The following HLTF variants were observed in gnomAD, a reference collection of about 807,000 sequenced individuals.
HLTF encodes the protein DNA-dependent ATPase/E3 ubiquitin-protein ligase HLTF.
In HLTF, 127 loss-of-function variants were observed where a neutral mutation model predicts 129.4. The ratio of observed to expected loss-of-function variants is 0.98; its 90% CI spans 0.85 to 1.14. HLTF has a LOEUF of 1.14. Among genes scored for constraint, HLTF ranks in the 50% most tolerant of loss-of-function variants. HLTF has a pLI of 0.00. For missense variants in HLTF, 1,139 were observed against 1,187.1 expected (o/e 0.96, Z 0.60); for synonymous variants, 332 against 388.8 (o/e 0.85, Z 1.72).
chr3:149,044,438 A>C (rs1222943827), intron 18 of HLTF, among the ~76,000 whole-genome samples: 1 of 152,104 alleles, frequency 6.6e-6, no homozygotes, highest in African/African-American at 2.4e-5. Flanking sequence ...AGTGCCTACC[A>C]TGTGCTAAAT....
chr3:149,064,270 A>G (rs1718180548), intron 9 of HLTF, among the ~76,000 whole-genome samples: 1 of 152,064 alleles, frequency 6.6e-6, no homozygotes, highest in Non-Finnish European at 1.5e-5. Context: ...AATAGCACCA[A>G]TTGTTATTTA....
At chr3:149,052,090 G>T (rs1454184856) in intron 14 of HLTF, 1 of 150,300 alleles carries the variant, frequency 6.7e-6, no homozygotes, top group Non-Finnish European at 1.5e-5. Flanking sequence ...GGAGGTGGAG[G>T]TTGCAGTGAG....
chr3:149,059,686 C>A (rs570887055), intron 13 of HLTF, 32 bp downstream of exon 13: 493 of 1,360,732 alleles, frequency 3.6e-4, no homozygotes, highest in Admixed American at 6.4e-4. Flanking sequence ...AGAAAAAAAA[C>A]CAAAAACTAG....
intron 8 of HLTF, among the ~76,000 whole-genome samples, chr3:149,066,149 T>G (rs934341883): frequency 1.3e-5 from 2 of 151,932 alleles, no homozygotes; most frequent in Non-Finnish European, 2.9e-5. Context: ...TGAGTTCAAG[T>G]GATTCTCCTG....
At chr3:149,054,429 C>T (rs1008037923) in intron 14 of HLTF, among the ~76,000 whole-genome samples, 6 of 152,074 alleles carry the variant, frequency 3.9e-5, no homozygotes, top group Admixed American at 6.5e-5. Flanking sequence ...AATGTAGAGA[C>T]TAAATACTGG....
chr3:149,038,089 AT>A (rs771857247), intron 23 of HLTF, among the ~76,000 whole-genome samples: 15 of 152,232 alleles, frequency 9.9e-5, no homozygotes, highest in Admixed American at 2.6e-4. Flanking sequence ...TCAATCACCT[AT>A]GATATATGCT....
chr3:149,058,381 T>A (rs1479768906), intron 13 of HLTF, among the ~76,000 whole-genome samples: 1 of 152,172 alleles, frequency 6.6e-6, no homozygotes, highest in Non-Finnish European at 1.5e-5. Context: ...AATTTGCATC[T>A]CCCCAATAAT....
At position 149,075,928 on chromosome 3, in the gene HLTF, T is replaced by C; in HGVS notation, c.348A>G (p.Ala116=). Residue 116 remains alanine (A), a synonymous_variant, in exon 3 of 25, where the codon GCA becomes GCG. Transcript: ENST00000310053. ...TGTCCATGATATAGGCCAAAGCACC[T>C]GCAAGCTCTTTCTTTAAATGGCCAA... ...NQVGHLKKEL[A]GALAYIMDNK... is the part of the protein sequence containing the mutation. The C allele has an allele frequency of 6.2e-7, 1 of 1,608,748 alleles. No homozygotes were observed. Among genetic ancestry groups the C allele is most frequent in the Non-Finnish European group, 8.5e-7 (1 of 1,175,888 alleles).
At position 149,068,184 on chromosome 3, in the gene HLTF, A is replaced by G. The variant is rs1003111686; in HGVS notation, c.990+56T>C. On this transcript the variant is annotated intron_variant, in intron 8 of 24. Coordinates refer to ENST00000310053, the MANE Select transcript of HLTF (RefSeq NM_003071.4). Reference sequence around the variant, plus strand: ...GTAGTTTTTTTTAATGATGAAATTTAAAGATTTCACAATAAACTGGAGGTT... The same window carrying G: ...GTAGTTTTTTTTAATGATGAAATTTGAAGATTTCACAATAAACTGGAGGTT... 3.3e-5 allele frequency: 24 copies of G among 720,462 alleles called. No individual in the cohort carries two copies. In the African/African-American group the frequency reaches 4.2e-4, roughly 13 times the overall value. 44.6% of individuals were successfully genotyped at this position (720,462 alleles called of 1,614,324 possible).
At chr3:149,075,137 C>T (rs937478134) in intron 3 of HLTF, among the ~76,000 whole-genome samples, 1 of 152,110 alleles carries the variant, frequency 6.6e-6, no homozygotes, top group Non-Finnish European at 1.5e-5. Context: ...GTATAAAATG[C>T]GGACTTAGCT....
rs373688591 is a variant in HLTF, at chr3:149,032,169, T to C, written c.*51A>G. On this transcript the variant is annotated 3_prime_UTR_variant, in exon 25 of 25. Transcript: ENST00000310053. ...TTTCTAAAACTCTGTATTTTTCTCA[T>C]TTCTAAAACTTAAGTATCCAATCAA... 8.9e-6 allele frequency: 12 copies of C among 1,353,196 alleles called. 1 individual carries two copies. The highest frequency in any genetic ancestry group is 1.1e-5 in the Non-Finnish European group (11 of 1,002,480). The allele number at this position is 1,353,196 out of a possible 1,614,324, so 83.8% of individuals were successfully genotyped here.
chr3:149,081,365 G>A (rs1486926838), intron 2 of HLTF, among the ~76,000 whole-genome samples: 1 of 151,442 alleles, frequency 6.6e-6, no homozygotes, highest in Non-Finnish European at 1.5e-5. Flanking sequence ...GTGGCTAAAG[G>A]CAACGCAATA....
At chr3:149,050,424 A>C in intron 14 of HLTF, 49 bp from the exon 15 acceptor site, 1 of 1,323,202 alleles carries the variant, frequency 7.6e-7, no homozygotes, top group South Asian at 1.5e-5. Flanking sequence ...TTTGTGTCAG[A>C]CTTAATAGAT....
rs766438860 is a variant in HLTF at position 149,055,336 on chromosome 3, G to T, written c.1440C>A (p.Ile480=). The T allele has an allele frequency of 6.2e-7, 1 of 1,613,580 alleles. No homozygotes were observed. The highest frequency in any genetic ancestry group is 8.5e-7 in the Non-Finnish European group (1 of 1,179,666). ...TGCTTAACACAGAAAGCGGACAGATGATCAGTGTTGTTCTTGGTCTCTCCT... is the reference window on the plus strand; with the variant it reads ...TGCTTAACACAGAAAGCGGACAGATTATCAGTGTTGTTCTTGGTCTCTCCT... ...DVEERPRTTL[I]ICPLSVLSNW... is the part of the protein sequence containing the mutation. The change falls in exon 14 of 25, where the codon ATC becomes ATA. Residue 480 remains isoleucine, a synonymous_variant. Coordinates refer to ENST00000310053, the MANE Select transcript of HLTF (RefSeq NM_003071.4).
rs1352609399 is a variant in HLTF, at chr3:149,034,909, A to C, written c.2877+9T>G. 2.5e-6 allele frequency: 4 copies of C among 1,595,592 alleles called. No homozygotes were observed. Among genetic ancestry groups the C allele is most frequent in the Admixed American group, 3.3e-5 (2 of 59,966 alleles). ...ACCTAGTCTTAAAATAGTTTGTTTA[A>C]AAACTCACTTTTGTGATGATAACTT... is the stretch of plus-strand genomic sequence containing the variant. On this transcript the variant is annotated intron_variant, in intron 24 of 24. Coordinates refer to ENST00000310053, the MANE Select transcript of HLTF (RefSeq NM_003071.4).
intron 10 of HLTF, 119 bp from the exon 11 acceptor site, chr3:149,060,977 T>A (rs973782373): frequency 5.9e-6 from 4 of 677,940 alleles, no homozygotes; most frequent in South Asian, 2.0e-5. Flanking sequence ...TTTTGAAAAA[T>A]TTTTTAAAGA....
Position 149,086,426 on chromosome 3 carries a change from C to T in HLTF, c.-90G>A, listed in dbSNP as rs1391414362. On this transcript the variant is annotated 5_prime_UTR_variant, in exon 1 of 25. Coordinates refer to ENST00000310053, the MANE Select transcript of HLTF (RefSeq NM_003071.4). ...TACGCCTCCTTCCAGGCCCCGCAGC[C>T]CTGAAGCCGGGGACAAATTCCGAGC... 1 of 1,463,186 alleles carries T rather than the reference C, an allele frequency of 6.8e-7. No individual in the cohort carries two copies. The highest frequency in any genetic ancestry group is 9.3e-7 in the Non-Finnish European group (1 of 1,071,876). 90.6% of individuals were successfully genotyped at this position (1,463,186 alleles called of 1,614,324 possible).
chr3:149,048,260 C>T (rs908930832), intron 16 of HLTF, 97 bp from the exon 17 acceptor site: 35 of 803,410 alleles, frequency 4.4e-5, no homozygotes, highest in Non-Finnish European at 6.4e-5. Flanking sequence ...TGAAAATGGG[C>T]ACTCTGTACC....
Position 149,064,799 on chromosome 3 carries a change from A to G in HLTF, c.1058T>C (p.Leu353Pro). The G allele has an allele frequency of 1.9e-6, 3 of 1,567,968 alleles. No individual in the cohort carries two copies. The highest frequency in any genetic ancestry group is 2.6e-6 in the Non-Finnish European group (3 of 1,138,522). Residue 353 changes from leucine to proline, a missense_variant, in exon 9 of 25, where the codon CTA becomes CCA. Coordinates refer to ENST00000310053, the MANE Select transcript of HLTF (RefSeq NM_003071.4). Reference sequence around the variant, plus strand: ...TCAAAATTAGCATTTACCTTTGCTTAGTCCATCTGCCTTTTCACTGGTATT... The same window carrying G: ...TCAAAATTAGCATTTACCTTTGCTTGGTCCATCTGCCTTTTCACTGGTATT... ...GNNTSEKADG[L>P]SKDASRCSEQ...
Sources: allele counts gnomAD v4.1 joint callset (sites outside exome capture counted in the v4.1 genomes callset), GRCh38; gene constraint gnomAD v4.1.1; transcripts MANE v1.5; gene names NCBI Gene and HGNC (gene_info 2026-07-23, HGNC 2026-07-21).